CXXC5: variants seen among roughly 807,000 people sequenced by gnomAD.
CXXC5 encodes the protein CXXC finger protein 5.
A neutral mutation model predicts 17.6 loss-of-function variants in CXXC5; 2 were observed. The ratio of observed to expected loss-of-function variants is 0.11; its 90% CI spans 0.05 to 0.36. The LOEUF is 0.36. Among genes scored for constraint, CXXC5 ranks in the 10% least tolerant of loss-of-function variants. The pLI, the probability that CXXC5 is intolerant of heterozygous loss-of-function variation, is 1.00. For synonymous variants in CXXC5, 171 were observed against 193.0 expected (o/e 0.89, Z 0.94); for missense variants, 343 against 458.3 (o/e 0.75, Z 2.30).
At chr5:139,649,037 G>C (rs557153116) in intron 1 of CXXC5, 192 bp downstream of exon 1, 1 of 152,416 alleles carries the variant, frequency 6.6e-6, no homozygotes, top group South Asian at 2.1e-4. Context: ...CGGGGAAGGA[G>C]GGGTCCGTAT....
chr5:139,682,738 G>A, intron 2 of CXXC5, 125 bp from the exon 3 acceptor site: 1 of 991,930 alleles, frequency 1.0e-6, no homozygotes, highest in South Asian at 2.2e-5. Context: ...GCTCCGAGGG[G>A]TGGCTGCTCT....
At chr5:139,665,436 C>G (rs1475926765) in intron 1 of CXXC5, 1 of 152,268 alleles carries the variant, frequency 6.6e-6, no homozygotes, top group Non-Finnish European at 1.5e-5. Context: ...TCTGGTCTCT[C>G]AGCCCCCTCC....
At chr5:139,648,108 G>T (rs1754958915), upstream of CXXC5, 1 of 151,290 alleles carries the variant, frequency 6.6e-6, no homozygotes, top group Non-Finnish European at 1.5e-5. Context: ...GCGCGCAAGG[G>T]AGCTGAGCCT....
At chr5:139,666,346 A>C (rs551244041) in intron 1 of CXXC5, among the ~76,000 whole-genome samples, 1 of 152,082 alleles carries the variant, frequency 6.6e-6, no homozygotes, top group African/African-American at 2.4e-5. Context: ...TGCCTGTGGG[A>C]GCTTCCCCTA....
chr5:139,673,109 G>A (rs991416649), intron 1 of CXXC5, among the ~76,000 whole-genome samples: 3 of 152,144 alleles, frequency 2.0e-5, no homozygotes, highest in African/African-American at 7.2e-5. Context: ...AGATTCAGGG[G>A]ATCCCAGATA....
upstream of CXXC5, chr5:139,647,914 G>C (rs1053012052): frequency 2.2e-4 from 34 of 152,168 alleles, no homozygotes; most frequent in African/African-American, 5.5e-4. Flanking sequence ...GCGCACCTGA[G>C]CTGGGGGGCG....
chr5:139,650,602 C>T (rs139210351), intron 1 of CXXC5, among the ~76,000 whole-genome samples: 2,127 of 152,302 alleles, frequency 0.014, 51 homozygotes, highest in African/African-American at 0.048. Context: ...CCCGGCTCCA[C>T]CTCAGCTGCC....
At chr5:139,647,602 T>G (rs1473352961), upstream of CXXC5, among the ~76,000 whole-genome samples, 1 of 152,180 alleles carries the variant, frequency 6.6e-6, no homozygotes, top group East Asian at 1.9e-4. Context: ...CAGTACCTAT[T>G]GAGCGCTGCT....
rs1246523193 is a variant in CXXC5 at position 139,663,489 on chromosome 5, GA to G, written c.-161+14646del. Among the ~76,000 whole-genome samples, 1 of 152,122 alleles carries G rather than the reference GA, an allele frequency of 6.6e-6. No individual in the cohort carries two copies. The highest frequency in any genetic ancestry group is 1.9e-4 in the East Asian group (1 of 5,186). On this transcript the variant is annotated intron_variant, in intron 1 of 2. Coordinates refer to ENST00000302517, the MANE Select transcript of CXXC5 (RefSeq NM_016463.9). This position sits in a 1 kb window ranked among gnomAD's most constrained non-coding sequence, Gnocchi z 4.2. Reference sequence around the variant, plus strand: ...TAGGTAGGCCTTCTTCCTTTGGGCAGAAGAGGAGATGCAAGCCTGGCCAGTG... The same window carrying G: ...TAGGTAGGCCTTCTTCCTTTGGGCAGAGAGGAGATGCAAGCCTGGCCAGTG...
At chr5:139,651,197 T>C (rs1755157039) in intron 1 of CXXC5, 1 of 152,372 alleles carries the variant, frequency 6.6e-6, no homozygotes, top group African/African-American at 2.4e-5. Flanking sequence ...GACCCTTGGC[T>C]GGCTGGCTGT....
At position 139,683,703 on chromosome 5, in the gene CXXC5, A is replaced by G. The variant is rs1757387921; in HGVS notation, c.*796A>G. On this transcript the variant is annotated 3_prime_UTR_variant, in exon 3 of 3. Coordinates refer to ENST00000302517, the MANE Select transcript of CXXC5 (RefSeq NM_016463.9). ...CTTTTTTTCTGGCCTTGCTAATGGC[A>G]ACAGAAGAAAGGGCTTCTTTGCGTG... The G allele has an allele frequency of 7.2e-5, 11 of 152,576 alleles. 1 individual carries two copies. Among genetic ancestry groups the G allele is most frequent in the Admixed American group, 7.2e-4 (11 of 15,282 alleles). 9.5% of individuals were successfully genotyped at this position (152,576 alleles called of 1,614,324 possible).
intron 1 of CXXC5, among the ~76,000 whole-genome samples, chr5:139,676,942 G>T (rs1051140261): frequency 8.5e-6 from 1 of 117,594 alleles, no homozygotes; most frequent in South Asian, 2.7e-4. Flanking sequence ...TTCTGCCCCC[G>T]CATGCCCCTC....
At chr5:139,651,419 AG>A (rs1302016863) in intron 1 of CXXC5, among the ~76,000 whole-genome samples, 1 of 143,226 alleles carries the variant, frequency 7.0e-6, no homozygotes, top group Non-Finnish European at 1.5e-5. Context: ...GGGGAAGGGG[AG>A]GGGAGGATTC....
chr5:139,678,132 G>A (rs661211), intron 1 of CXXC5, among the ~76,000 whole-genome samples: 461 of 152,326 alleles, frequency 3.0e-3, no homozygotes, highest in African/African-American at 0.01. Context: ...CGGGGTTGTC[G>A]TCCAGGGCAG....
At chr5:139,649,081 C>T (rs1203720238) in intron 1 of CXXC5, 1 of 152,434 alleles carries the variant, frequency 6.6e-6, no homozygotes. Context: ...CACCGTAAGC[C>T]GCGGAGCCCC....
intron 1 of CXXC5, among the ~76,000 whole-genome samples, chr5:139,654,124 C>G (rs2126744182): frequency 6.6e-6 from 1 of 152,334 alleles, no homozygotes; most frequent in African/African-American, 2.4e-5. Context: ...CCTACAGGCT[C>G]TGCCCCTCTC....
chr5:139,665,077 C>T (rs1027878247), intron 1 of CXXC5, among the ~76,000 whole-genome samples: 1 of 152,262 alleles, frequency 6.6e-6, no homozygotes, highest in Non-Finnish European at 1.5e-5. Context: ...AATCTGCTGG[C>T]TCAGCCAGCT....
chr5:139,652,595 A>C (rs1755273003), intron 1 of CXXC5, among the ~76,000 whole-genome samples: 1 of 152,140 alleles, frequency 6.6e-6, no homozygotes, highest in Non-Finnish European at 1.5e-5. Flanking sequence ...GTGTATCTAT[A>C]TCTGTGAATC....
Position 139,670,219 on chromosome 5 carries a change from G to T in CXXC5, c.-160-10145G>T, listed in dbSNP as rs1581603384. ...TCTCGCCTGCCTCCCCCACGCCTCT[G>T]CAGGGAGGGCCTGCGGTCTGGGGGC... On this transcript the variant is annotated intron_variant, in intron 1 of 2. Transcript: ENST00000302517. The surrounding 1 kb of genome is among the most constrained non-coding windows in gnomAD (Gnocchi z 4.2). Among the ~76,000 whole-genome samples the T allele has an allele frequency of 6.6e-6, 1 of 152,336 alleles. No homozygotes were observed. Among genetic ancestry groups the T allele is most frequent in the East Asian group, 1.9e-4 (1 of 5,182 alleles).
Sources: allele counts gnomAD v4.1 joint callset (sites outside exome capture counted in the v4.1 genomes callset), GRCh38; gene constraint gnomAD v4.1.1; non-coding constraint Gnocchi (gnomAD v3.1); transcripts MANE v1.5; gene names NCBI Gene and HGNC (gene_info 2026-07-23, HGNC 2026-07-21).